The following PPP1R13B variants were observed in gnomAD, a reference collection of about 807,000 sequenced individuals.
PPP1R13B encodes apoptosis-stimulating of p53 protein 1.
Under a neutral mutation model 119.8 loss-of-function variants are expected in PPP1R13B, and 44 were observed. That is an observed-to-expected ratio of 0.37 (90% confidence interval 0.29 to 0.47). The LOEUF (loss-of-function observed/expected upper bound fraction) is 0.47, where lower values mean the gene tolerates loss of function less well. PPP1R13B is among the 20% of genes least tolerant of loss of function. PPP1R13B has a pLI of 0.99. For synonymous variants in PPP1R13B, 542 were observed against 561.5 expected, an observed-to-expected ratio of 0.97 and a Z score of 0.49; for missense variants, 1,227 against 1,413.5, an observed-to-expected ratio of 0.87 and a Z score of 2.12.
intron 16 of PPP1R13B, 68 bp from the exon 17 acceptor site, chr14:103,735,263 C>A: frequency 5.9e-6 from 9 of 1,525,138 alleles, no homozygotes; most frequent in Non-Finnish European, 7.3e-6. Context: ...CCAGACCCGA[C>A]CCCTGCTCCT....
chr14:103,738,979 C>G lies in PPP1R13B; in HGVS notation c.2637G>C (p.Gly879=). Residue 879 remains glycine (G), a synonymous_variant, in exon 13 of 17, where the codon GGG becomes GGC. Transcript: ENST00000202556. This position sits in a 1 kb window ranked among gnomAD's most constrained non-coding sequence, Gnocchi z 5.6. ...NLKKPNSERT[G]HGLRVRFNPL... ...GGTTAAACCGGACTCTCAGCCCGTG[C>G]CCCGTCCGCTCCGAGTTGGGCTTCT... 1 of 1,614,080 alleles carries G rather than the reference C, an allele frequency of 6.2e-7. No homozygotes were observed. The highest frequency in any genetic ancestry group is 8.5e-7 in the Non-Finnish European group (1 of 1,179,992).
chr14:103,748,585 C>T (rs186230544), intron 8 of PPP1R13B, among the ~76,000 whole-genome samples: 3 of 152,224 alleles, frequency 2.0e-5, no homozygotes, highest in Admixed American at 1.3e-4. Context: ...TCTCCTACCA[C>T]GAGGGCAGAA....
At chr14:103,797,311 G>T in intron 2 of PPP1R13B, 60 bp downstream of exon 2, 1 of 1,485,960 alleles carries the variant, frequency 6.7e-7, no homozygotes, top group Non-Finnish European at 9.0e-7. Context: ...CACAAGCTTA[G>T]CTAAAAGATG....
Position 103,781,874 on chromosome 14 carries a change from G to C in PPP1R13B, c.277+2921C>G, listed in dbSNP as rs189134749. Among the ~76,000 whole-genome samples the C allele has an allele frequency of 6.3e-3, 957 of 151,402 alleles. 3 individuals are homozygous for C. Among genetic ancestry groups the C allele is most frequent in the Non-Finnish European group, 8.3e-3 (563 of 67,772 alleles). ...TCATCATGTTAGCCAGGATGGTCTC[G>C]ATCTCCTGACCTCGTGATCCAACCT... is the stretch of plus-strand genomic sequence containing the variant. On this transcript the variant is annotated intron_variant, in intron 3 of 16. Coordinates refer to ENST00000202556, the MANE Select transcript of PPP1R13B (RefSeq NM_015316.3).
At chr14:103,752,727 G>T (rs2084581652) in intron 7 of PPP1R13B, among the ~76,000 whole-genome samples, 1 of 151,888 alleles carries the variant, frequency 6.6e-6, no homozygotes, top group African/African-American at 2.4e-5. Flanking sequence ...TAGAGACGGG[G>T]TTTCACCATA....
At chr14:103,799,061 G>T (rs1008554004) in intron 1 of PPP1R13B, among the ~76,000 whole-genome samples, 6 of 152,034 alleles carry the variant, frequency 3.9e-5, no homozygotes, top group African/African-American at 1.2e-4. Context: ...ATGCAATGTC[G>T]CGATCTTGGT....
intron 2 of PPP1R13B, among the ~76,000 whole-genome samples, chr14:103,791,478 G>C (rs537065144): frequency 6.6e-6 from 1 of 152,350 alleles, no homozygotes; most frequent in East Asian, 1.9e-4. Context: ...TATAATCCCA[G>C]CACTTTGGGA....
chr14:103,754,004 T>G, intron 6 of PPP1R13B, 66 bp downstream of exon 6: 2 of 1,534,026 alleles, frequency 1.3e-6, no homozygotes, highest in Non-Finnish European at 1.8e-6. Flanking sequence ...GTCAGGCAGT[T>G]AGACTATGTT....
intron 7 of PPP1R13B, among the ~76,000 whole-genome samples, chr14:103,752,179 T>C (rs2084564408): frequency 6.6e-6 from 1 of 152,162 alleles, no homozygotes; most frequent in Admixed American, 6.5e-5. Flanking sequence ...TCCAAAATGC[T>C]CCAATGAGCA....
chr14:103,805,199 C>A (rs531225615), intron 1 of PPP1R13B, among the ~76,000 whole-genome samples: 2 of 152,080 alleles, frequency 1.3e-5, no homozygotes, highest in African/African-American at 2.4e-5. Flanking sequence ...AGGTACCTAC[C>A]CTGGGGAAAT....
chr14:103,761,549 G>T, intron 4 of PPP1R13B, among the ~76,000 whole-genome samples: 1 of 151,780 alleles, frequency 6.6e-6, no homozygotes, highest in East Asian at 1.9e-4. Flanking sequence ...GGATCACGAG[G>T]TCAGGAGTTC....
intron 2 of PPP1R13B, among the ~76,000 whole-genome samples, chr14:103,793,698 A>C (rs2085685948): frequency 6.6e-6 from 1 of 152,116 alleles, no homozygotes; most frequent in African/African-American, 2.4e-5. Flanking sequence ...AAATAAGGTT[A>C]AAAAACCTCA....
chr14:103,765,009 G>A (rs1435045161), intron 4 of PPP1R13B, among the ~76,000 whole-genome samples: 1 of 152,078 alleles, frequency 6.6e-6, no homozygotes, highest in African/African-American at 2.4e-5. Context: ...TAGTAGAGAT[G>A]GGGTTTCACC....
chr14:103,740,430 G>A lies in PPP1R13B; in HGVS notation c.1986C>T (p.Thr662=), dbSNP rs759080516. 58 of 1,598,976 alleles carry A rather than the reference G, an allele frequency of 3.6e-5. No homozygotes were observed. The Admixed American group carries it at 9.1e-4, about 25-fold the overall frequency. Residue 662 remains threonine (T), a synonymous_variant, in exon 12 of 17, where the codon ACC becomes ACT. Transcript: ENST00000202556. This position sits in a 1 kb window ranked among gnomAD's most constrained non-coding sequence, Gnocchi z 4.6. Reference sequence around the variant, plus strand: ...TGAGTGGCCGTGGCAGGCTCTCCACGGTGCTGCCATCTGCGGGGGCGGCGG... The same window carrying A: ...TGAGTGGCCGTGGCAGGCTCTCCACAGTGCTGCCATCTGCGGGGGCGGCGG... ...DGPAAPADGS[T]VESLPRPLSP...
At chr14:103,784,663 T>C in intron 3 of PPP1R13B, 132 bp downstream of exon 3, 1 of 666,824 alleles carries the variant, frequency 1.5e-6, no homozygotes, top group South Asian at 4.7e-5. Context: ...TAACATGGGA[T>C]ACCAACTTTC....
intron 1 of PPP1R13B, among the ~76,000 whole-genome samples, chr14:103,833,783 CCT>C (rs2086711430): frequency 6.6e-6 from 1 of 152,170 alleles, no homozygotes; most frequent in Non-Finnish European, 1.5e-5. Flanking sequence ...GTTGAGAAGA[CCT>C]CTCTGCCACC....
intron 1 of PPP1R13B, among the ~76,000 whole-genome samples, chr14:103,809,655 T>C (rs1272420795): frequency 1.3e-5 from 2 of 151,728 alleles, no homozygotes; most frequent in African/African-American, 2.4e-5. Context: ...ACCCTATCTC[T>C]ACAAAAAGCA....
chr14:103,831,125 G>C (rs2086655962), intron 1 of PPP1R13B, among the ~76,000 whole-genome samples: 1 of 151,400 alleles, frequency 6.6e-6, no homozygotes, highest in Non-Finnish European at 1.5e-5. Context: ...TTGTATTTTT[G>C]GTAGAGATGG....
Position 103,739,988 on chromosome 14 carries a change from T to C in PPP1R13B, c.2428A>G (p.Thr810Ala), listed in dbSNP as rs1476839417. ...EPEELICPQTTHQTAEPAEDN... is the reference protein window; with the variant it reads ...EPEELICPQTAHQTAEPAEDN... Reference sequence around the variant, plus strand: ...TCTGCCGGCTCGGCAGTTTGGTGGGTGGTTTGGGGACAGATGAGCTCCTCT... The same window carrying C: ...TCTGCCGGCTCGGCAGTTTGGTGGGCGGTTTGGGGACAGATGAGCTCCTCT... The change falls in exon 12 of 17, where the codon ACC becomes GCC. Residue 810 changes from threonine (T) to alanine (A), a missense_variant. Thr to Ala is a moderately conservative substitution (Grantham distance 58). Transcript: ENST00000202556. 3.7e-6 allele frequency: 6 copies of C among 1,613,346 alleles called. No homozygotes were observed. The Admixed American group carries it at 5.0e-5, about 13-fold the overall frequency.
Sources: gnomAD v4.1 joint callset for allele counts (sites outside exome capture counted in the v4.1 genomes callset) on GRCh38, gnomAD v4.1.1 for gene constraint, Gnocchi (gnomAD v3.1) non-coding constraint, MANE v1.5 for transcripts, NCBI Gene and HGNC (gene_info 2026-07-23, HGNC 2026-07-21) for gene names.